Variants in PNPLA7 observed in about 807,000 individuals in gnomAD.
PNPLA7 encodes patatin like domain 7, lysophospholipase.
In PNPLA7, 153 loss-of-function variants were observed where a neutral mutation model predicts 161.7. The observed-to-expected ratio is 0.95, with a 90% CI of 0.83 to 1.08. PNPLA7 has a LOEUF of 1.08. Ranked by LOEUF, PNPLA7 falls within the 50% of genes least tolerant of loss-of-function variation. The probability of loss-of-function intolerance (pLI) is 0.00; values close to 1 mark genes in which losing one functional copy is unlikely to be tolerated. For synonymous variants in PNPLA7, 809 were observed against 782.1 expected (o/e 1.03, Z -0.57); for missense variants, 1,739 against 1,856.6 (o/e 0.94, Z 1.16).
chr9:137,474,962 A>G lies in PNPLA7; in HGVS notation c.2882+3072T>C, dbSNP rs112155002. Among the ~76,000 whole-genome samples the G allele has an allele frequency of 4.0e-5, 5 of 123,802 alleles. 1 individual carries two copies. Among genetic ancestry groups the G allele is most frequent in the African/African-American group, 1.7e-4 (5 of 29,430 alleles). 81.2% of individuals were successfully genotyped at this position (123,802 alleles called of 152,430 possible). ...CGTGAACCTGGGAGGCGGAGCTTGC[A>G]GGGAGCCGAGCCGAGATCGCTCACT... On this transcript the variant is annotated intron_variant, in intron 25 of 34. Coordinates refer to ENST00000406427, the MANE Select transcript of PNPLA7 (RefSeq NM_001098537.3).
In PNPLA7 at chr9:137,491,312, G is replaced by A. The variant is rs117055703; in HGVS notation, c.2197+1701C>T. Among the ~76,000 whole-genome samples, 1,496 of 152,236 alleles carry A rather than the reference G, an allele frequency of 9.8e-3. 14 individuals carry two copies. The highest frequency in any genetic ancestry group is 0.016 in the Non-Finnish European group (1,100 of 68,022). On this transcript the variant is annotated intron_variant, in intron 20 of 34. Coordinates refer to ENST00000406427, the MANE Select transcript of PNPLA7 (RefSeq NM_001098537.3). Reference sequence around the variant, plus strand: ...ATACAGTAGTGTTTAACAACAGTGGGGGGCGTGAGAACAGAAAAAACAACA... The same window carrying A: ...ATACAGTAGTGTTTAACAACAGTGGAGGGCGTGAGAACAGAAAAAACAACA...
chr9:137,483,997 G>T (rs1022335895), intron 21 of PNPLA7, among the ~76,000 whole-genome samples: 3 of 151,912 alleles, frequency 2.0e-5, no homozygotes, highest in Admixed American at 6.6e-5. Flanking sequence ...GCAATGGTGT[G>T]TGATCTTGGC....
At position 137,461,595 on chromosome 9, in the gene PNPLA7, A is replaced by G. The variant is rs1169020102; in HGVS notation, c.3782T>C (p.Phe1261Ser). 2 of 1,612,648 alleles carry G rather than the reference A, an allele frequency of 1.2e-6. No individual in the cohort carries two copies. Among genetic ancestry groups the G allele is most frequent in the Admixed American group, 3.3e-5 (2 of 59,924 alleles). ...AGACACAATTTCGGCAAGGTCCGTG[A>G]AGGAGGCGTTGGGACAGGTGAGGAC... The part of the protein sequence containing the change: ...SAVLTCPNAS[F>S]TDLAEIVSRI... Residue 1261 changes from phenylalanine to serine, a missense_variant, in exon 33 of 35, where the codon TTC becomes TCC. By Grantham distance (155) the Phe-to-Ser change is radical. Transcript: ENST00000406427.
intron 12 of PNPLA7, among the ~76,000 whole-genome samples, chr9:137,514,331 G>A (rs1834399046): frequency 7.0e-6 from 1 of 143,600 alleles, no homozygotes; most frequent in South Asian, 2.2e-4. Flanking sequence ...GAGGTGCCCG[G>A]GCCCCGTGGC....
At chr9:137,501,521 G>T in intron 15 of PNPLA7, 129 bp downstream of exon 15, 1 of 877,720 alleles carries the variant, frequency 1.1e-6, no homozygotes, top group Non-Finnish European at 1.8e-6. Context: ...GGTGCCCAGA[G>T]GGGCAGTGGC....
intron 33 of PNPLA7, 157 bp from the exon 34 acceptor site, chr9:137,460,894 G>C: frequency 1.6e-6 from 1 of 621,354 alleles, no homozygotes; most frequent in Non-Finnish European, 2.8e-6. Context: ...GGGCAGCCCT[G>C]CACACCACCC....
At chr9:137,513,183 C>G (rs1245725525) in intron 12 of PNPLA7, among the ~76,000 whole-genome samples, 2 of 152,124 alleles carry the variant, frequency 1.3e-5, no homozygotes, top group African/African-American at 4.8e-5. Context: ...AAAGGCAAAA[C>G]TAAAAGCTAA....
Position 137,484,585 on chromosome 9 carries a change from A to G in PNPLA7, c.2347+2T>C, listed in dbSNP as rs1436395165. On this transcript the variant is annotated splice_donor_variant, in intron 21 of 34. Coordinates refer to ENST00000406427, the MANE Select transcript of PNPLA7 (RefSeq NM_001098537.3). LOFTEE classifies it high-confidence loss of function. The stretch of plus-strand genomic sequence containing the variant: ...GCTGGAGGCTGGGAGGCTCAGGCTT[A>G]CCGATGGCGCTGAGGGCATGCTCCA... 10 of 1,596,766 alleles carry G rather than the reference A, an allele frequency of 6.3e-6. No homozygotes were observed. The highest frequency in any genetic ancestry group is 7.7e-6 in the Non-Finnish European group (9 of 1,168,542).
chr9:137,534,824 A>C (rs1190678347), intron 8 of PNPLA7, among the ~76,000 whole-genome samples: 1 of 152,104 alleles, frequency 6.6e-6, no homozygotes, highest in African/African-American at 2.4e-5. Flanking sequence ...GTCGATACCC[A>C]ACCTAAACCC....
At chr9:137,463,673 A>C (rs1831327003) in intron 28 of PNPLA7, 142 bp from the exon 29 acceptor site, 7 of 629,788 alleles carry the variant, frequency 1.1e-5, no homozygotes, top group Non-Finnish European at 1.1e-5. Flanking sequence ...TCATGGCCCA[A>C]GGGCTGAACA....
intron 25 of PNPLA7, among the ~76,000 whole-genome samples, chr9:137,474,436 G>A (rs1026775884): frequency 2.0e-5 from 3 of 152,128 alleles, no homozygotes; most frequent in Non-Finnish European, 2.9e-5. Flanking sequence ...CGTGATCAAC[G>A]CCAGACACCA....
Position 137,546,530 on chromosome 9 carries a change from T to C in PNPLA7, c.273+300A>G, listed in dbSNP as rs546278779. Among the ~76,000 whole-genome samples, 40 of 152,312 alleles carry C rather than the reference T, an allele frequency of 2.6e-4. No individual in the cohort carries two copies. In the South Asian group the frequency reaches 7.7e-3, roughly 29 times the overall value. On this transcript the variant is annotated intron_variant, in intron 4 of 34. Transcript: ENST00000406427. ...CAGGCCTTCCCTCCCCTCCGGCCACTGTGCACCACAGACATTCCTGAAGCT... is the reference window on the plus strand; with the variant it reads ...CAGGCCTTCCCTCCCCTCCGGCCACCGTGCACCACAGACATTCCTGAAGCT...
At position 137,497,245 on chromosome 9, in the gene PNPLA7, T is replaced by A; in HGVS notation, c.1955A>T (p.Lys652Met). Residue 652 changes from lysine (K) to methionine (M), a missense_variant, in exon 18 of 35, where the codon AAG (lysine) becomes ATG (methionine). Lys to Met is a moderately conservative substitution (Grantham distance 95). Transcript: ENST00000406427. ...GGCCAGGCGCTTCTTCCCATCATCCTTCCGGATCACAGAGCGCAGCCGGCC... is the reference window on the plus strand; with the variant it reads ...GGCCAGGCGCTTCTTCCCATCATCCATCCGGATCACAGAGCGCAGCCGGCC... ...LSGRLRSVIR[K>M]DDGKKRLAGE... 1 of 1,593,258 alleles carries A rather than the reference T, an allele frequency of 6.3e-7. No homozygotes were observed. The highest frequency in any genetic ancestry group is 8.5e-7 in the Non-Finnish European group (1 of 1,170,834).
rs544189968 is a variant in PNPLA7 at position 137,462,618 on chromosome 9, G to T, written c.3492+67C>A. 3.7e-4 allele frequency: 576 copies of T among 1,570,772 alleles called. 2 individuals are homozygous for T. The African/African-American group carries it at 6.4e-3, about 18-fold the overall frequency. On this transcript the variant is annotated intron_variant, in intron 30 of 34. Transcript: ENST00000406427. ...CAGGAGCGACCCCCACTCCCCTGCC[G>T]CAGGACAGGTGTGGAGCTGCAGGGA... is the stretch of plus-strand genomic sequence containing the variant.
chr9:137,493,984 G>C lies in PNPLA7; in HGVS notation c.2128-902C>G, dbSNP rs76363557. Among the ~76,000 whole-genome samples, 1,146 of 152,310 alleles carry C rather than the reference G, an allele frequency of 7.5e-3. 15 individuals are homozygous for C. The highest frequency in any genetic ancestry group is 0.026 in the African/African-American group (1,084 of 41,556). ...AACCATGGCCCAAGAGCTTTGAGTG[G>C]GAGAAGCGCTACCTGAGGGGAGGCG... On this transcript the variant is annotated intron_variant, in intron 19 of 34. Transcript: ENST00000406427.
chr9:137,480,140 G>A (rs1309292392), intron 23 of PNPLA7, among the ~76,000 whole-genome samples, 172 bp downstream of exon 23: 1 of 152,242 alleles, frequency 6.6e-6, no homozygotes, highest in Non-Finnish European at 1.5e-5. Flanking sequence ...TAGAACCCCT[G>A]GAGGTCAATA....
rs80239173 is a variant in PNPLA7, at chr9:137,478,910, G to A, written c.2763+146C>T. The stretch of plus-strand genomic sequence containing the variant: ...GCCCAAAGGGCAAGATGAAGGAGAC[G>A]TGAGGCAGGGTCACGTTCACAAGCA... On this transcript the variant is annotated intron_variant, in intron 24 of 34. Transcript: ENST00000406427. The A allele has an allele frequency of 1.8e-3, 2,041 of 1,145,908 alleles. 50 individuals carry two copies. The East Asian group carries it at 0.052, about 29-fold the overall frequency. The allele number at this position is 1,145,908 out of a possible 1,614,324, so 71.0% of individuals were successfully genotyped here.
Position 137,493,991 on chromosome 9 carries a change from C to T in PNPLA7, c.2128-909G>A, listed in dbSNP as rs549607273. On this transcript the variant is annotated intron_variant, in intron 19 of 34. Coordinates refer to ENST00000406427, the MANE Select transcript of PNPLA7 (RefSeq NM_001098537.3). ...GCCCAAGAGCTTTGAGTGGGAGAAG[C>T]GCTACCTGAGGGGAGGCGGTGGAGG... 3.9e-5 allele frequency among the ~76,000 whole-genome samples: 6 copies of T among 152,262 alleles called. No individual in the cohort carries two copies. The South Asian group carries it at 6.2e-4, about 16-fold the overall frequency.
rs554329780 is a variant in PNPLA7, at chr9:137,491,629, A to C, written c.2197+1384T>G. The C allele has an allele frequency of 3.1e-4, 302 of 985,420 alleles. 2 individuals carry two copies. In the African/African-American group the frequency reaches 4.9e-3, roughly 16 times the overall value. The allele number at this position is 985,420 out of a possible 1,614,324, so 61.0% of individuals were successfully genotyped here. ...ACCCAGAACCGCAAAATGTGACCTTATTTGGAAACGGTTTTGCAGAGGAAC... is the reference window on the plus strand; with the variant it reads ...ACCCAGAACCGCAAAATGTGACCTTCTTTGGAAACGGTTTTGCAGAGGAAC... On this transcript the variant is annotated intron_variant, in intron 20 of 34. Transcript: ENST00000406427.
Sources: allele counts gnomAD v4.1 joint callset (sites outside exome capture counted in the v4.1 genomes callset), GRCh38; gene constraint gnomAD v4.1.1; transcripts MANE v1.5; gene names NCBI Gene and HGNC (gene_info 2026-07-23, HGNC 2026-07-21).